Variants in ACOX2 observed in about 807,000 individuals in gnomAD.
ACOX2 encodes peroxisomal acyl-coenzyme A oxidase 2.
ACOX2 carries 59 observed loss-of-function variants against 77.5 expected under a neutral mutation model. The ratio of observed to expected loss-of-function variants is 0.76; its 90% CI spans 0.62 to 0.95. The LOEUF (loss-of-function observed/expected upper bound fraction) is 0.95. ACOX2 is among the 40% of genes least tolerant of loss of function. The pLI is 0.00. For synonymous variants in ACOX2, 317 were observed against 340.1 expected, an observed-to-expected ratio of 0.93 and a Z score of 0.75; for missense variants, 837 against 880.4, an observed-to-expected ratio of 0.95 and a Z score of 0.62.
chr3:58,533,995 A>G lies in ACOX2; in HGVS notation c.474T>C (p.His158=), dbSNP rs1282050220. Residue 158 remains histidine, a splice_region_variant and synonymous_variant, in exon 4 of 15, where the codon CAT becomes CAC. Transcript: ENST00000302819. This position sits in a 1 kb window ranked among gnomAD's most constrained non-coding sequence, Gnocchi z 5.6. ...IATYAQTELG[H]GTYLQGLETE... ...CCACACGCAGCAGTCCTAGCTCACCATGTCCCAACTCTGTCTGTGCATACG... is the reference window on the plus strand; with the variant it reads ...CCACACGCAGCAGTCCTAGCTCACCGTGTCCCAACTCTGTCTGTGCATACG... The G allele has an allele frequency of 1.9e-6, 3 of 1,614,110 alleles. No homozygotes were observed. Among genetic ancestry groups the G allele is most frequent in the East Asian group, 4.5e-5 (2 of 44,878 alleles).
Position 58,519,159 on chromosome 3 carries a change from G to A in ACOX2, c.1633-1736C>T, listed in dbSNP as rs185393871. On this transcript the variant is annotated intron_variant, in intron 12 of 14. Transcript: ENST00000302819. This position sits in a 1 kb window ranked among gnomAD's most constrained non-coding sequence, Gnocchi z 5.0. Reference sequence around the variant, plus strand: ...AGCACTTTGGGAAGTTGAGGTGGGCGGACCACTTGAGGTCAGGAGTTCGAG... The same window carrying A: ...AGCACTTTGGGAAGTTGAGGTGGGCAGACCACTTGAGGTCAGGAGTTCGAG... Among the ~76,000 whole-genome samples the A allele has an allele frequency of 2.8e-4, 43 of 152,084 alleles. No individual in the cohort carries two copies. The highest frequency in any genetic ancestry group is 4.9e-4 in the Non-Finnish European group (33 of 67,984).
rs183962686 is a variant in ACOX2, at chr3:58,505,640, A to G, written c.1984-354T>C. Among the ~76,000 whole-genome samples the G allele has an allele frequency of 6.6e-6, 1 of 152,334 alleles. No homozygotes were observed. The highest frequency in any genetic ancestry group is 1.9e-4 in the East Asian group (1 of 5,188). On this transcript the variant is annotated intron_variant, in intron 14 of 14. Transcript: ENST00000302819. This position sits in a 1 kb window ranked among gnomAD's most constrained non-coding sequence, Gnocchi z 4.4. ...ACCAGATAGGGATCATATAAGCAGT[A>G]TTCTAGGTCCGACTAGGTTATCCTC...
At position 58,533,370 on chromosome 3, in the gene ACOX2, A is replaced by C. The variant is rs548554003; in HGVS notation, c.583+75T>G. 7.8e-4 allele frequency: 1,071 copies of C among 1,380,408 alleles called. 1 individual carries two copies. Among genetic ancestry groups the C allele is most frequent in the Non-Finnish European group, 1.1e-3 (1,036 of 980,680 alleles). 85.5% of individuals were successfully genotyped at this position (1,380,408 alleles called of 1,614,324 possible). ...TCAATCTGAGGTCTGTTGGACCTCA[A>C]AGCCAGTGCTACTCTGCCCTCCAAC... On this transcript the variant is annotated intron_variant, in intron 5 of 14. Coordinates refer to ENST00000302819, the MANE Select transcript of ACOX2 (RefSeq NM_003500.4). This position sits in a 1 kb window ranked among gnomAD's most constrained non-coding sequence, Gnocchi z 5.6.
chr3:58,509,529 A>G (rs1465415404), intron 13 of ACOX2, among the ~76,000 whole-genome samples: 3 of 150,676 alleles, frequency 2.0e-5, no homozygotes, highest in African/African-American at 7.3e-5. Flanking sequence ...TCCTGTCCCA[A>G]AATAAATAAA....
chr3:58,536,426 C>T (rs982910267), intron 1 of ACOX2, among the ~76,000 whole-genome samples: 4 of 152,142 alleles, frequency 2.6e-5, no homozygotes, highest in Non-Finnish European at 5.9e-5. Context: ...GGATGTGGGC[C>T]TTGGAAAGGG....
In ACOX2 at chr3:58,510,683, T is replaced by A. The variant is rs1431153033; in HGVS notation, c.1851-1658A>T. On this transcript the variant is annotated intron_variant, in intron 13 of 14. Coordinates refer to ENST00000302819, the MANE Select transcript of ACOX2 (RefSeq NM_003500.4). ...AAAAAAATATATATATATATATATA[T>A]ATATATATATATATATATATATATA... Among the ~76,000 whole-genome samples the A allele has an allele frequency of 2.5e-3, 17 of 6,674 alleles. 1 individual carries two copies. The highest frequency in any genetic ancestry group is 3.9e-3 in the Non-Finnish European group (13 of 3,346). 4.4% of individuals were successfully genotyped at this position (6,674 alleles called of 152,430 possible). A position where few individuals can be genotyped will look rare whatever the true frequency, so the allele number is the denominator to read the frequency against.
chr3:58,526,714 A>G lies in ACOX2; in HGVS notation c.1156-58T>C, dbSNP rs898022848. 5 of 1,548,490 alleles carry G rather than the reference A, an allele frequency of 3.2e-6. No homozygotes were observed. The African/African-American group carries it at 6.8e-5, about 21-fold the overall frequency. On this transcript the variant is annotated intron_variant, in intron 9 of 14. Coordinates refer to ENST00000302819, the MANE Select transcript of ACOX2 (RefSeq NM_003500.4). This position sits in a 1 kb window ranked among gnomAD's most constrained non-coding sequence, Gnocchi z 4.3. ...TAGGGGGCCTCCACCATAGGGACCAACCCTGTGCACCACTTACTGAGCATC... is the reference window on the plus strand; with the variant it reads ...TAGGGGGCCTCCACCATAGGGACCAGCCCTGTGCACCACTTACTGAGCATC...
chr3:58,529,144 A>G (rs1365687994), intron 8 of ACOX2, 188 bp from the exon 9 acceptor site: 3 of 520,350 alleles, frequency 5.8e-6, no homozygotes, highest in Non-Finnish European at 6.4e-6. Flanking sequence ...ATTTCACTGC[A>G]GGAATACTGA....
Position 58,531,495 on chromosome 3 carries a change from A to G in ACOX2, c.704-129T>C. 2.4e-6 allele frequency: 3 copies of G among 1,235,808 alleles called. No individual in the cohort carries two copies. Among genetic ancestry groups the G allele is most frequent in the Non-Finnish European group, 3.4e-6 (3 of 883,828 alleles). 76.6% of individuals were successfully genotyped at this position (1,235,808 alleles called of 1,614,324 possible). ...ATTATTGTACCTATTTTGCAGGTGA[A>G]CAAGCTGAGGTCAGAAAGATGCTAA... On this transcript the variant is annotated intron_variant, in intron 6 of 14. Transcript: ENST00000302819. This position sits in a 1 kb window ranked among gnomAD's most constrained non-coding sequence, Gnocchi z 5.8.
Position 58,531,838 on chromosome 3 carries a change from G to A in ACOX2, c.584-26C>T, listed in dbSNP as rs770919023. ...CTGAGGGCAGAGAGAGTAGCGGCCC[G>A]TCACAGGAAGACCTGTGCATTGCTT... On this transcript the variant is annotated intron_variant, in intron 5 of 14. Coordinates refer to ENST00000302819, the MANE Select transcript of ACOX2 (RefSeq NM_003500.4). The surrounding 1 kb of genome is among the most constrained non-coding windows in gnomAD (Gnocchi z 5.8). 70 of 1,604,452 alleles carry A rather than the reference G, an allele frequency of 4.4e-5. No homozygotes were observed. Among genetic ancestry groups the A allele is most frequent in the African/African-American group, 5.3e-5 (4 of 74,804 alleles).
Position 58,517,317 on chromosome 3 carries a change from G to C in ACOX2, c.1739C>G (p.Ala580Gly). 1 of 1,614,048 alleles carries C rather than the reference G, an allele frequency of 6.2e-7. No homozygotes were observed. Among genetic ancestry groups the C allele is most frequent in the South Asian group, 1.1e-5 (1 of 91,088 alleles). Reference sequence around the variant, plus strand: ...CGAGTTAGTCAAGATTCCATGTATGGCATGGAGGTCACAGAGGCGCTTGAG... The same window carrying C: ...CGAGTTAGTCAAGATTCCATGTATGCCATGGAGGTCACAGAGGCGCTTGAG... ...QVLKRLCDLHAIHGILTNSGD... is the reference protein window; with the variant it reads ...QVLKRLCDLHGIHGILTNSGD... Residue 580 changes from alanine (A) to glycine (G), a missense_variant, in exon 13 of 15, where the codon GCC becomes GGC. Transcript: ENST00000302819.
intron 8 of ACOX2, among the ~76,000 whole-genome samples, chr3:58,530,008 G>T (rs1199787704): frequency 6.6e-6 from 1 of 152,222 alleles, no homozygotes; most frequent in South Asian, 2.1e-4. Context: ...AACGAGCTCA[G>T]CCACACACAG....
rs1484913914 is a variant in ACOX2 at position 58,533,590 on chromosome 3, G to T, written c.476-38C>A. On this transcript the variant is annotated intron_variant, in intron 4 of 14. Coordinates refer to ENST00000302819, the MANE Select transcript of ACOX2 (RefSeq NM_003500.4). This position sits in a 1 kb window ranked among gnomAD's most constrained non-coding sequence, Gnocchi z 5.6. ...GAGAGGTGTTAGACATTGGCCTGAGGTGGGGTTCTTACCTGTGAAGCTGCT... is the reference window on the plus strand; with the variant it reads ...GAGAGGTGTTAGACATTGGCCTGAGTTGGGGTTCTTACCTGTGAAGCTGCT... 6.3e-7 allele frequency: 1 copy of T among 1,598,626 alleles called. No individual in the cohort carries two copies. The highest frequency in any genetic ancestry group is 1.3e-5 in the African/African-American group (1 of 74,540).
chr3:58,535,187 G>C lies in ACOX2; in HGVS notation c.-81C>G. 6.4e-7 allele frequency: 1 copy of C among 1,569,694 alleles called. No homozygotes were observed. The highest frequency in any genetic ancestry group is 8.7e-7 in the Non-Finnish European group (1 of 1,144,386). ...GAGGGTCTGCTCTCAGCATTGGTCA[G>C]TGCAAAGAACCTGTGTGCAAGAGGA... On this transcript the variant is annotated 5_prime_UTR_variant, in exon 2 of 15. Transcript: ENST00000302819. This position sits in a 1 kb window ranked among gnomAD's most constrained non-coding sequence, Gnocchi z 4.8.
At chr3:58,508,825 C>T in intron 14 of ACOX2, 68 bp downstream of exon 14, 2 of 1,576,320 alleles carry the variant, frequency 1.3e-6, no homozygotes, top group Non-Finnish European at 1.7e-6. Flanking sequence ...AATGGGAGAA[C>T]ATGAAGGTGT....
chr3:58,524,645 T>C lies in ACOX2; in HGVS notation c.1347-40A>G, dbSNP rs765464721. The C allele has an allele frequency of 4.4e-6, 7 of 1,593,582 alleles. No individual in the cohort carries two copies. The highest frequency in any genetic ancestry group is 5.1e-6 in the Non-Finnish European group (6 of 1,166,368). On this transcript the variant is annotated intron_variant, in intron 10 of 14. Coordinates refer to ENST00000302819, the MANE Select transcript of ACOX2 (RefSeq NM_003500.4). The surrounding 1 kb of genome is among the most constrained non-coding windows in gnomAD (Gnocchi z 5.5). ...AGGAGGCAGGTGAGAGGGCAGAGAC[T>C]CTGTGAGACAGCCCAGCACCCCTCA...
chr3:58,523,037 G>T lies in ACOX2; in HGVS notation c.1527-436C>A, dbSNP rs1176284680. On this transcript the variant is annotated intron_variant, in intron 11 of 14. Transcript: ENST00000302819. The surrounding 1 kb of genome is among the most constrained non-coding windows in gnomAD (Gnocchi z 5.3). ...TTTTCTGTAAAGGCTAGAGAGGCCC[G>T]TCGGTCACCTAGCCTGCTGCAGGTT... 6.3e-6 allele frequency: 1 copy of T among 157,976 alleles called. No individual in the cohort carries two copies. The highest frequency in any genetic ancestry group is 1.4e-5 in the Non-Finnish European group (1 of 71,102). 9.8% of individuals were successfully genotyped at this position (157,976 alleles called of 1,614,324 possible). A position where few individuals can be genotyped will look rare whatever the true frequency, so the allele number is the denominator to read the frequency against.
Position 58,525,421 on chromosome 3 carries a change from A to G in ACOX2, c.1347-816T>C, listed in dbSNP as rs1410107725. Among the ~76,000 whole-genome samples the G allele has an allele frequency of 5.9e-5, 9 of 152,200 alleles. No individual in the cohort carries two copies. The highest frequency in any genetic ancestry group is 5.2e-4 in the Admixed American group (8 of 15,280). ...TGAGGATGAGGCTCTGTCGGCCTCC[A>G]GGGCCCACAGACCTAAGAGGGATGA... On this transcript the variant is annotated intron_variant, in intron 10 of 14. Coordinates refer to ENST00000302819, the MANE Select transcript of ACOX2 (RefSeq NM_003500.4). The surrounding 1 kb of genome is among the most constrained non-coding windows in gnomAD (Gnocchi z 5.0).
In ACOX2 at chr3:58,534,027, T is replaced by C; in HGVS notation, c.442A>G (p.Ile148Val). The C allele has an allele frequency of 6.2e-7, 1 of 1,614,214 alleles. No individual in the cohort carries two copies. Among genetic ancestry groups the C allele is most frequent in the Middle Eastern group, 1.6e-4 (1 of 6,062 alleles). ...AACTCTGTCTGTGCATACGTTGCGA[T>C]GATCTGGATGTTTTTGCAGAGTGGG... Reference protein sequence around the residue: ...WDPLCKNIQIIATYAQTELGH... With the variant: ...WDPLCKNIQIVATYAQTELGH... The change falls in exon 4 of 15, where the codon ATC becomes GTC. Residue 148 changes from isoleucine (I) to valine (V), a missense_variant. Ile to Val is a conservative substitution (Grantham distance 29). Transcript: ENST00000302819. The surrounding 1 kb of genome is among the most constrained non-coding windows in gnomAD (Gnocchi z 4.8).
Sources: gnomAD v4.1 joint callset for allele counts (sites outside exome capture counted in the v4.1 genomes callset) on GRCh38, gnomAD v4.1.1 for gene constraint, Gnocchi (gnomAD v3.1) non-coding constraint, MANE v1.5 for transcripts, NCBI Gene and HGNC (gene_info 2026-07-23, HGNC 2026-07-21) for gene names.